The following DIPK2B variants were observed in gnomAD, a reference collection of about 807,000 sequenced individuals.
DIPK2B encodes divergent protein kinase domain 2B.
Under a neutral mutation model 22.2 loss-of-function variants are expected in DIPK2B, and 15 were observed. That is an observed-to-expected ratio of 0.68 (90% confidence interval 0.45 to 1.04). DIPK2B has a LOEUF of 1.04. Among genes scored for constraint, DIPK2B ranks in the 50% least tolerant of loss-of-function variants. The pLI is 0.00. For missense variants in DIPK2B, 345 were observed against 348.3 expected, an observed-to-expected ratio of 0.99 and a Z score of 0.08; for synonymous variants, 163 against 153.2, an observed-to-expected ratio of 1.06 and a Z score of -0.47.
intron 2 of DIPK2B, among the ~76,000 whole-genome samples, chrX:45,181,231 A>G (rs1291574100): frequency 9.0e-6 from 1 of 111,718 alleles, no homozygotes; most frequent in Non-Finnish European, 1.9e-5. Context: ...ATTAAAGAAG[A>G]CCTAAGGAAA....
rs755087086 is a variant in DIPK2B, at chrX:45,195,478, T to G, written c.234-3463A>C. Among the ~76,000 whole-genome samples, 9 of 112,066 alleles carry G rather than the reference T, an allele frequency of 8.0e-5. No homozygotes were observed. The South Asian group carries it at 3.0e-3, about 37-fold the overall frequency. On this transcript the variant is annotated intron_variant, in intron 1 of 4. Transcript: ENST00000398000. ...TCTTCTCGTGCATTCTTCTCATGCT[T>G]GCATCTGGTCAAACATAAAGCCTGT...
intron 2 of DIPK2B, among the ~76,000 whole-genome samples, chrX:45,187,145 G>A (rs2047187545): frequency 8.9e-6 from 1 of 112,029 alleles, no homozygotes; most frequent in Admixed American, 9.5e-5. Flanking sequence ...GGAACACACT[G>A]CTTAGAACAA....
In DIPK2B at chrX:45,151,326, G is replaced by T; in HGVS notation, c.*326C>A. 3.8e-6 allele frequency: 1 copy of T among 265,348 alleles called. No individual in the cohort carries two copies. Among genetic ancestry groups the T allele is most frequent in the East Asian group, 7.4e-5 (1 of 13,486 alleles). 21.9% of individuals were successfully genotyped at this position (265,348 alleles called of 1,213,427 possible). A position where few individuals can be genotyped will look rare whatever the true frequency, so the allele number is the denominator to read the frequency against. ...GCATGTGTCCCAAGACCCATGCTTGGGATATATGCTCAGTGGTGGCTCCAT... is the reference window on the plus strand; with the variant it reads ...GCATGTGTCCCAAGACCCATGCTTGTGATATATGCTCAGTGGTGGCTCCAT... On this transcript the variant is annotated 3_prime_UTR_variant, in exon 5 of 5. Coordinates refer to ENST00000398000, the MANE Select transcript of DIPK2B (RefSeq NM_176819.4).
intron 2 of DIPK2B, among the ~76,000 whole-genome samples, chrX:45,172,715 G>T (rs140083070): frequency 8.9e-6 from 1 of 111,865 alleles, no homozygotes; most frequent in Non-Finnish European, 1.9e-5. Context: ...GGAAGCTGAC[G>T]CAGAGTAAAA....
intron 2 of DIPK2B, among the ~76,000 whole-genome samples, chrX:45,177,681 G>A (rs113555837): frequency 0.057 from 6,340 of 110,546 alleles, 437 homozygotes; most frequent in African/African-American, 0.19. Flanking sequence ...GCATTCCTTC[G>A]TAGCAATGCA....
chrX:45,174,922 C>T (rs1020553833), intron 2 of DIPK2B, among the ~76,000 whole-genome samples: 6 of 111,699 alleles, frequency 5.4e-5, no homozygotes, highest in Admixed American at 2.8e-4. Flanking sequence ...TACCCCTTGA[C>T]CCAGTGGTTT....
intron 1 of DIPK2B, among the ~76,000 whole-genome samples, chrX:45,199,807 A>T (rs1446515786): frequency 9.0e-6 from 1 of 111,286 alleles, no homozygotes; most frequent in Non-Finnish European, 1.9e-5. Flanking sequence ...CTGTCACCCC[A>T]GTACCTGCTA....
chrX:45,157,728 G>C lies in DIPK2B; in HGVS notation c.659C>G (p.Pro220Arg). The C allele has an allele frequency of 8.4e-7, 1 of 1,195,428 alleles. No individual in the cohort carries two copies. Among genetic ancestry groups the C allele is most frequent in the Non-Finnish European group, 1.1e-6 (1 of 887,075 alleles). The part of the protein sequence containing the change: ...LLYTLAVNSH[P>R]ILLQIFPGAE... ...GTCGCTGCATACCTGTAGGAGGATG[G>C]GGTGCGAGTTGACAGCCAGCGTGTA... Residue 220 changes from proline (P) to arginine (R), a missense_variant, in exon 3 of 5, where the codon CCC becomes CGC. Transcript: ENST00000398000.
chrX:45,172,212 C>A (rs2047086657), intron 2 of DIPK2B, among the ~76,000 whole-genome samples: 1 of 112,127 alleles, frequency 8.9e-6, no homozygotes. Flanking sequence ...ACCCCTTTTT[C>A]ACTTTAATTT....
At chrX:45,169,218 C>A (rs1469633547) in intron 2 of DIPK2B, among the ~76,000 whole-genome samples, 3 of 111,641 alleles carry the variant, frequency 2.7e-5, no homozygotes, top group Middle Eastern at 9.3e-3. Context: ...CTCATGAGGG[C>A]GTTGAGAGGG....
chrX:45,165,740 C>T (rs982885388), intron 2 of DIPK2B, among the ~76,000 whole-genome samples: 2 of 112,105 alleles, frequency 1.8e-5, no homozygotes, highest in Admixed American at 9.4e-5. Context: ...GTAAAAAGAA[C>T]CAGAGACACT....
intron 2 of DIPK2B, among the ~76,000 whole-genome samples, chrX:45,188,628 A>G (rs2047195734): frequency 8.9e-6 from 1 of 112,326 alleles, no homozygotes; most frequent in African/African-American, 3.2e-5. Flanking sequence ...AAATTATACA[A>G]TTCAGTGGCT....
intron 2 of DIPK2B, among the ~76,000 whole-genome samples, chrX:45,172,997 C>G: frequency 9.0e-6 from 1 of 111,724 alleles, no homozygotes; most frequent in Non-Finnish European, 1.9e-5. Context: ...AACCCTCACA[C>G]TTGCCTGAGA....
chrX:45,199,130 G>C (rs1394357039), intron 1 of DIPK2B, among the ~76,000 whole-genome samples: 1 of 112,092 alleles, frequency 8.9e-6, no homozygotes, highest in African/African-American at 3.2e-5. Context: ...CTTTAAAAAG[G>C]CTTAATAGGA....
chrX:45,173,135 A>C (rs1392203582), intron 2 of DIPK2B, among the ~76,000 whole-genome samples: 1 of 111,959 alleles, frequency 8.9e-6, no homozygotes, highest in Non-Finnish European at 1.9e-5. Context: ...TTTTGACTTT[A>C]TACAGTCATG....
At chrX:45,184,826 G>A (rs12689250) in intron 2 of DIPK2B, among the ~76,000 whole-genome samples, 1 of 111,142 alleles carries the variant, frequency 9.0e-6, no homozygotes, top group Non-Finnish European at 1.9e-5. Context: ...TCATAGTTTG[G>A]GGAAATATAG....
chrX:45,161,924 G>A (rs1246483213), intron 2 of DIPK2B, among the ~76,000 whole-genome samples: 1 of 111,958 alleles, frequency 8.9e-6, no homozygotes, highest in Non-Finnish European at 1.9e-5. Context: ...GTGGAATATA[G>A]ACTGGCTTTG....
intron 2 of DIPK2B, 115 bp downstream of exon 2, chrX:45,191,636 C>T (rs1033215794): frequency 1.9e-5 from 18 of 933,082 alleles, no homozygotes; most frequent in Non-Finnish European, 1.8e-5. Flanking sequence ...TGTCACACTT[C>T]AGACAGACCA....
At chrX:45,163,403 C>T (rs1361179237) in intron 2 of DIPK2B, 3 of 752,134 alleles carry the variant, frequency 4.0e-6, no homozygotes, top group East Asian at 1.5e-4. Flanking sequence ...GAAAAACACT[C>T]GTTCATTACA....
Sources: allele counts gnomAD v4.1 joint callset (sites outside exome capture counted in the v4.1 genomes callset), GRCh38; gene constraint gnomAD v4.1.1; transcripts MANE v1.5; gene names NCBI Gene and HGNC (gene_info 2026-07-23, HGNC 2026-07-21).